ARPC1A: variants seen among roughly 807,000 people sequenced by gnomAD.
The protein encoded by ARPC1A is actin-related protein 2/3 complex subunit 1A.
Under a neutral mutation model 46.9 loss-of-function variants are expected in ARPC1A, and 8 were observed. That is an observed-to-expected ratio of 0.17 (90% CI 0.10 to 0.31). The LOEUF (loss-of-function observed/expected upper bound fraction) is 0.31. ARPC1A is among the 10% of genes least tolerant of loss of function. The pLI, the probability that ARPC1A is intolerant of heterozygous loss-of-function variation, is 1.00. For missense variants in ARPC1A, 286 were observed against 483.6 expected (o/e 0.59, Z 3.83); for synonymous variants, 152 against 169.0 (o/e 0.90, Z 0.78).
chr7:99,352,360 T>C (rs976590136), intron 5 of ARPC1A, among the ~76,000 whole-genome samples: 2 of 152,010 alleles, frequency 1.3e-5, no homozygotes, highest in Non-Finnish European at 1.5e-5. Flanking sequence ...TTTGATAGTA[T>C]CTAGAGTATG....
Position 99,364,268 on chromosome 7 carries a change from C to CTT in ARPC1A, c.1074+655_1074+656dup, listed in dbSNP as rs1226720404. On this transcript the variant is annotated intron_variant, in intron 9 of 9. Coordinates refer to ENST00000262942, the MANE Select transcript of ARPC1A (RefSeq NM_006409.4). ...CCATGCCAGCCTTGGAGATCTCTCT[C>CTT]TTTTTTTTTTTTTTTTTTTTTGAGA... 1.2e-3 allele frequency among the ~76,000 whole-genome samples: 138 copies of CTT among 117,330 alleles called. 2 individuals are homozygous for CTT. Among genetic ancestry groups the CTT allele is most frequent in the East Asian group, 4.7e-3 (17 of 3,650 alleles). 77.0% of individuals were successfully genotyped at this position (117,330 alleles called of 152,430 possible).
chr7:99,354,103 A>C lies in ARPC1A; in HGVS notation c.695A>C (p.Asp232Ala), dbSNP rs764069129. Residue 232 changes from aspartate to alanine, a missense_variant, in exon 6 of 10, where the codon GAT becomes GCT. Physicochemically the swap from Asp to Ala is moderately radical, Grantham distance 126 (BLOSUM62 -2). Around this residue, in one of 5 missense-constraint regions of ARPC1A, gnomAD observed 182 missense variants for 276.7 expected, o/e 0.66. Coordinates refer to ENST00000262942, the MANE Select transcript of ARPC1A (RefSeq NM_006409.4). Reference protein sequence around the residue: ...VSHDSTVSVADASKSVQVSTL... With the variant: ...VSHDSTVSVAAASKSVQVSTL... ...CACGACAGCACCGTGTCTGTTGCTG[A>C]TGCCTCAAAAAGTGTGCAGTGAGTA... The C allele has an allele frequency of 1.2e-5, 20 of 1,613,966 alleles. No homozygotes were observed. The highest frequency in any genetic ancestry group is 1.7e-5 in the Non-Finnish European group (20 of 1,179,870).
intron 9 of ARPC1A, among the ~76,000 whole-genome samples, chr7:99,364,361 C>T (rs1294801607): frequency 6.6e-6 from 1 of 151,440 alleles, no homozygotes; most frequent in African/African-American, 2.4e-5. Context: ...CAACCTCCGC[C>T]TCTGGGGTTC....
chr7:99,333,991 CTG>C (rs1239475536), intron 2 of ARPC1A, among the ~76,000 whole-genome samples: 5 of 146,722 alleles, frequency 3.4e-5, no homozygotes, highest in African/African-American at 5.1e-5. Context: ...AATAGAAAAA[CTG>C]TGTGTGTGTG....
At chr7:99,355,953 G>C (rs1793621725) in intron 6 of ARPC1A, among the ~76,000 whole-genome samples, 1 of 152,214 alleles carries the variant, frequency 6.6e-6, no homozygotes, top group African/African-American at 2.4e-5. Context: ...AATTACGGTG[G>C]CTTCTTTGTG....
chr7:99,365,747 T>C, intron 9 of ARPC1A, 144 bp from the exon 10 acceptor site: 2 of 858,924 alleles, frequency 2.3e-6, no homozygotes, highest in Non-Finnish European at 3.6e-6. Context: ...GGGTGAGTCC[T>C]GGGAGATCCT....
At chr7:99,347,879 CA>C (rs1276072854) in intron 4 of ARPC1A, among the ~76,000 whole-genome samples, 1 of 150,912 alleles carries the variant, frequency 6.6e-6, no homozygotes, top group Non-Finnish European at 1.5e-5. Context: ...GGTAATTTAG[CA>C]TTGAAGGAAA....
intron 2 of ARPC1A, among the ~76,000 whole-genome samples, chr7:99,336,088 C>T (rs920183699): frequency 2.6e-5 from 4 of 152,146 alleles, no homozygotes; most frequent in Admixed American, 6.5e-5. Flanking sequence ...CTTCTGTTTC[C>T]ACTTTCCCAT....
chr7:99,348,824 A>G lies in ARPC1A; in HGVS notation c.393-28A>G, dbSNP rs1012622093. The stretch of plus-strand genomic sequence containing the variant: ...ATTTGGGGATGCTGGTTGAGTGGAT[A>G]AACTGAAACAGTTTTCCCCTCTCAT... On this transcript the variant is annotated intron_variant, in intron 4 of 9. Transcript: ENST00000262942. 1.9e-6 allele frequency: 3 copies of G among 1,592,730 alleles called. No individual in the cohort carries two copies. The East Asian group carries it at 6.7e-5, about 36-fold the overall frequency.
chr7:99,326,568 C>T (rs1402971504), intron 1 of ARPC1A, among the ~76,000 whole-genome samples: 1 of 152,212 alleles, frequency 6.6e-6, no homozygotes, highest in African/African-American at 2.4e-5. Context: ...CGCTCTTATT[C>T]ATTTAGTGGA....
intron 6 of ARPC1A, among the ~76,000 whole-genome samples, chr7:99,356,757 A>G (rs1289362519): frequency 1.3e-5 from 2 of 152,120 alleles, no homozygotes; most frequent in Admixed American, 6.6e-5. Context: ...AAAATTAGCC[A>G]GGCGTGGTGG....
chr7:99,349,733 G>C (rs1008924867), intron 5 of ARPC1A, among the ~76,000 whole-genome samples: 1 of 152,092 alleles, frequency 6.6e-6, no homozygotes. Context: ...CCAGCTACTC[G>C]GGAGGCTGAG....
intron 1 of ARPC1A, among the ~76,000 whole-genome samples, chr7:99,330,771 C>T (rs1217020149): frequency 1.3e-5 from 2 of 152,156 alleles, no homozygotes; most frequent in African/African-American, 4.8e-5. Flanking sequence ...TTTCAGCCTC[C>T]ACCCAAGGTT....
chr7:99,333,466 T>C, intron 2 of ARPC1A, 49 bp downstream of exon 2: 3 of 1,532,506 alleles, frequency 2.0e-6, no homozygotes, highest in Non-Finnish European at 2.7e-6. Context: ...CTTTGGTACA[T>C]TTCATCTTTA....
intron 2 of ARPC1A, among the ~76,000 whole-genome samples, chr7:99,334,004 TACACACACACACACAC>T (rs547756931): frequency 7.1e-6 from 1 of 141,364 alleles, no homozygotes; most frequent in Admixed American, 7.1e-5. Context: ...TGTGTGTGTG[TACACACACACACACAC>T]ACACACACAC....
chr7:99,360,190 TAAG>T (rs753315343), intron 8 of ARPC1A: 23 of 183,524 alleles, frequency 1.3e-4, no homozygotes, highest in East Asian at 4.0e-4. Flanking sequence ...TGGATACAAA[TAAG>T]AAGATTATTT....
chr7:99,365,532 T>C (rs10225529), intron 9 of ARPC1A, among the ~76,000 whole-genome samples: 45,986 of 151,434 alleles, frequency 0.3, 13,422 homozygotes, highest in African/African-American at 0.77. Context: ...GAGGATCACT[T>C]GAGCCCAGGA....
chr7:99,331,401 C>T lies in ARPC1A; in HGVS notation c.-29-1924C>T, dbSNP rs141470557. Reference sequence around the variant, plus strand: ...AGAGAGCAAGACCCTATCTCCCCTGCCCCCCACCCAAAAAAAGAAAAGAAG... The same window carrying T: ...AGAGAGCAAGACCCTATCTCCCCTGTCCCCCACCCAAAAAAAGAAAAGAAG... On this transcript the variant is annotated intron_variant, in intron 1 of 9. Coordinates refer to ENST00000262942, the MANE Select transcript of ARPC1A (RefSeq NM_006409.4). Among the ~76,000 whole-genome samples, 368 of 151,514 alleles carry T rather than the reference C, an allele frequency of 2.4e-3. 3 individuals carry two copies. The highest frequency in any genetic ancestry group is 6.8e-3 in the Middle Eastern group (2 of 292).
chr7:99,356,462 A>C (rs1469343202), intron 6 of ARPC1A, among the ~76,000 whole-genome samples: 5 of 151,864 alleles, frequency 3.3e-5, no homozygotes, highest in Non-Finnish European at 7.4e-5. Flanking sequence ...AAAATTAGCC[A>C]GGTGTGGTGG....
Sources: allele counts gnomAD v4.1 joint callset (sites outside exome capture counted in the v4.1 genomes callset), GRCh38; gene constraint gnomAD v4.1.1; regional missense constraint gnomAD v4.1.1; transcripts MANE v1.5; gene names NCBI Gene and HGNC (gene_info 2026-07-23, HGNC 2026-07-21).